Variants in PJA2 observed in about 807,000 individuals in gnomAD.
PJA2 encodes E3 ubiquitin-protein ligase Praja-2.
A neutral mutation model predicts 69.3 loss-of-function variants in PJA2; 25 were observed. The ratio of observed to expected loss-of-function variants is 0.36; its 90% CI spans 0.26 to 0.50. The LOEUF (loss-of-function observed/expected upper bound fraction) is 0.50. Among genes scored for constraint, PJA2 ranks in the 20% least tolerant of loss-of-function variants. The pLI is 0.96. For synonymous variants in PJA2, 308 were observed against 277.8 expected, an observed-to-expected ratio of 1.11 and a Z score of -1.08; for missense variants, 809 against 830.2, an observed-to-expected ratio of 0.97 and a Z score of 0.31.
intron 1 of PJA2, among the ~76,000 whole-genome samples, chr5:109,384,348 T>C (rs1354064713): frequency 6.6e-6 from 1 of 152,218 alleles, no homozygotes; most frequent in Admixed American, 6.5e-5. Context: ...GATCAGATAA[T>C]TTAATCCCAA....
chr5:109,380,749 G>T (rs149109591), intron 3 of PJA2, among the ~76,000 whole-genome samples: 1 of 147,680 alleles, frequency 6.8e-6, no homozygotes, highest in Non-Finnish European at 1.5e-5. Flanking sequence ...AGGCTGCAGG[G>T]AGCCCAGATC....
intron 9 of PJA2, among the ~76,000 whole-genome samples, chr5:109,343,293 G>GA (rs1319010504): frequency 0.014 from 299 of 21,978 alleles, 19 homozygotes; most frequent in Middle Eastern, 0.05. Flanking sequence ...AAAAAAAAAA[G>GA]AAAGAAAGAA....
chr5:109,345,069 G>A (rs371562166), intron 7 of PJA2, among the ~76,000 whole-genome samples: 5 of 151,434 alleles, frequency 3.3e-5, no homozygotes, highest in African/African-American at 4.9e-5. Flanking sequence ...TCGGCCGGGC[G>A]CAATGGCTCA....
chr5:109,367,141 AAAATAT>A (rs1762597016), intron 5 of PJA2, among the ~76,000 whole-genome samples: 1 of 144,486 alleles, frequency 6.9e-6, no homozygotes, highest in Non-Finnish European at 1.5e-5. Context: ...CTCAAAAAAA[AAAATAT>A]ATATATATAT....
intron 4 of PJA2, among the ~76,000 whole-genome samples, chr5:109,376,668 A>T (rs1199598572): frequency 6.6e-6 from 1 of 152,068 alleles, no homozygotes; most frequent in Non-Finnish European, 1.5e-5. Flanking sequence ...ACTTTCAAAA[A>T]AATAAATTAT....
chr5:109,394,183 G>A (rs1002306604), intron 1 of PJA2, among the ~76,000 whole-genome samples: 16 of 151,724 alleles, frequency 1.1e-4, no homozygotes, highest in African/African-American at 3.9e-4. Context: ...GAGTAGCTGG[G>A]ATTATAGGTA....
chr5:109,348,139 T>A (rs1219374843), intron 7 of PJA2, among the ~76,000 whole-genome samples: 1 of 152,212 alleles, frequency 6.6e-6, no homozygotes, highest in East Asian at 1.9e-4. Context: ...AACTGAAGCA[T>A]GTGTCTTGAA....
intron 9 of PJA2, among the ~76,000 whole-genome samples, chr5:109,340,212 G>C (rs1165048930): frequency 1.3e-5 from 2 of 152,168 alleles, no homozygotes; most frequent in Non-Finnish European, 2.9e-5. Flanking sequence ...GATATGATTT[G>C]TAAAATATTT....
intron 3 of PJA2, among the ~76,000 whole-genome samples, chr5:109,381,295 G>T (rs1406824930): frequency 6.6e-6 from 1 of 152,000 alleles, no homozygotes; most frequent in Non-Finnish European, 1.5e-5. Flanking sequence ...ATATTTTAAT[G>T]ATTGGCTGTA....
intron 7 of PJA2, among the ~76,000 whole-genome samples, chr5:109,346,494 G>T (rs1346134800): frequency 6.6e-6 from 1 of 152,220 alleles, no homozygotes; most frequent in East Asian, 1.9e-4. Context: ...GAGCCAAAAG[G>T]TGGAAGCAAA....
At chr5:109,397,668 G>A (rs890358350) in intron 1 of PJA2, among the ~76,000 whole-genome samples, 1 of 151,886 alleles carries the variant, frequency 6.6e-6, no homozygotes, top group East Asian at 1.9e-4. Context: ...ACAGGCACCC[G>A]CCACTACGCC....
chr5:109,355,329 T>C (rs188984061), intron 7 of PJA2, among the ~76,000 whole-genome samples: 1 of 152,290 alleles, frequency 6.6e-6, no homozygotes, highest in African/African-American at 2.4e-5. Context: ...ACTGGTACAG[T>C]AGTAGTTCCC....
At chr5:109,374,244 T>C (rs1330183700) in intron 4 of PJA2, among the ~76,000 whole-genome samples, 3 of 152,220 alleles carry the variant, frequency 2.0e-5, no homozygotes, top group Non-Finnish European at 4.4e-5. Context: ...CTCCCTAGCA[T>C]ATCTGCAGAA....
rs11956915 is a variant in PJA2, at chr5:109,337,443, C to T, written c.2002-87G>A. 1.7e-3 allele frequency: 2,337 copies of T among 1,410,712 alleles called. 25 individuals carry two copies. In the African/African-American group the frequency reaches 0.031, roughly 18 times the overall value. The allele number at this position is 1,410,712 out of a possible 1,614,324, so 87.4% of individuals were successfully genotyped here. On this transcript the variant is annotated intron_variant, in intron 9 of 9. Transcript: ENST00000361189. ...AATAAAGAAAAAACAGTGTCATTAT[C>T]CTAATAATAAGACTCTTAACAACAA...
At chr5:109,381,827 G>C in intron 2 of PJA2, 124 bp from the exon 3 acceptor site, 1 of 754,222 alleles carries the variant, frequency 1.3e-6, no homozygotes, top group Non-Finnish European at 2.1e-6. Flanking sequence ...TGAACATGAA[G>C]TGTACCTTAC....
chr5:109,376,322 TAAG>T (rs1746886413), intron 4 of PJA2, among the ~76,000 whole-genome samples: 1 of 141,200 alleles, frequency 7.1e-6, no homozygotes, highest in African/African-American at 2.6e-5. Flanking sequence ...AAATTAAAAA[TAAG>T]AATAAGAATT....
chr5:109,398,232 T>C (rs957846753), intron 1 of PJA2, among the ~76,000 whole-genome samples: 7 of 152,080 alleles, frequency 4.6e-5, no homozygotes, highest in Non-Finnish European at 8.8e-5. Context: ...TCCTCAAGGA[T>C]CTAGAATTAG....
chr5:109,350,289 A>T (rs565984383), intron 7 of PJA2, among the ~76,000 whole-genome samples: 110 of 144,064 alleles, frequency 7.6e-4, no homozygotes, highest in African/African-American at 2.1e-3. Flanking sequence ...TATAAAAATT[A>T]AAAAAAAAAA....
At chr5:109,380,407 C>A (rs1373952673) in intron 3 of PJA2, among the ~76,000 whole-genome samples, 1 of 151,962 alleles carries the variant, frequency 6.6e-6, no homozygotes, top group Non-Finnish European at 1.5e-5. Flanking sequence ...TTTTCAAAAC[C>A]ATTGAATAAC....
Sources: gnomAD v4.1 joint callset for allele counts (sites outside exome capture counted in the v4.1 genomes callset) on GRCh38, gnomAD v4.1.1 for gene constraint, MANE v1.5 for transcripts, NCBI Gene and HGNC (gene_info 2026-07-23, HGNC 2026-07-21) for gene names.